Variants in STK40 observed in about 807,000 individuals in gnomAD.
STK40 encodes serine/threonine kinase 40.
STK40 carries 13 observed loss-of-function variants against 47.9 expected under a neutral mutation model. That is an observed-to-expected ratio of 0.27 (90% CI 0.18 to 0.43). The LOEUF (loss-of-function observed/expected upper bound fraction) is 0.43. STK40 is among the 20% of genes least tolerant of loss of function. The pLI is 1.00. For missense variants in STK40, 460 were observed against 595.1 expected (o/e 0.77, Z 2.36); for synonymous variants, 225 against 243.2 (o/e 0.93, Z 0.69).
At chr1:36,373,646 C>T (rs866642475) in intron 1 of STK40, among the ~76,000 whole-genome samples, 4 of 152,184 alleles carry the variant, frequency 2.6e-5, no homozygotes, top group Admixed American at 2.0e-4. Context: ...AGTAATCCCT[C>T]GATTTCAGCC....
In STK40 at chr1:36,378,095, C is replaced by G. The variant is rs79589805; in HGVS notation, c.-9+7628G>C. 7.1e-3 allele frequency among the ~76,000 whole-genome samples: 1,082 copies of G among 152,360 alleles called. 8 individuals carry two copies. Among genetic ancestry groups the G allele is most frequent in the African/African-American group, 0.024 (1,017 of 41,588 alleles). ...CCTTAACTGCATGGTTGCAAGTCTC[C>G]TTGCCCACTACCCATAGGGCAGGTC... On this transcript the variant is annotated intron_variant, in intron 1 of 10. Transcript: ENST00000373132.
chr1:36,377,847 C>T (rs1170559429), intron 1 of STK40, among the ~76,000 whole-genome samples: 1 of 152,228 alleles, frequency 6.6e-6, no homozygotes, highest in Non-Finnish European at 1.5e-5. Flanking sequence ...CTGCCAAGAG[C>T]TCACCTGGGC....
At chr1:36,366,384 G>C (rs1419179547) in intron 1 of STK40, among the ~76,000 whole-genome samples, 1 of 152,206 alleles carries the variant, frequency 6.6e-6, no homozygotes, top group Non-Finnish European at 1.5e-5. Flanking sequence ...GGAAGAGGGA[G>C]CAAGGCTGCC....
intron 7 of STK40, among the ~76,000 whole-genome samples, chr1:36,347,639 TTA>T (rs1228573298): frequency 6.6e-6 from 1 of 151,988 alleles, no homozygotes; most frequent in African/African-American, 2.4e-5. Flanking sequence ...GGCAGTAACT[TTA>T]TGAGTTTTTT....
chr1:36,350,245 T>A (rs11804663), intron 6 of STK40, among the ~76,000 whole-genome samples: 15,071 of 152,250 alleles, frequency 0.099, 887 homozygotes, highest in Middle Eastern at 0.26. Flanking sequence ...AAGGGTCACT[T>A]GCACGTCAAG....
chr1:36,382,459 G>A (rs777802265), intron 1 of STK40, among the ~76,000 whole-genome samples: 4 of 152,148 alleles, frequency 2.6e-5, no homozygotes, highest in Admixed American at 6.5e-5. Context: ...GATTACAGGC[G>A]TTAGCCACCG....
intron 1 of STK40, among the ~76,000 whole-genome samples, chr1:36,379,714 G>A (rs1647024226): frequency 6.6e-6 from 1 of 152,062 alleles, no homozygotes; most frequent in South Asian, 2.1e-4. Context: ...GGGAACACCT[G>A]TGTTCCCCTC....
At chr1:36,374,852 C>G (rs571480959) in intron 1 of STK40, among the ~76,000 whole-genome samples, 1 of 152,304 alleles carries the variant, frequency 6.6e-6, no homozygotes, top group East Asian at 1.9e-4. Flanking sequence ...GAGGAGATTG[C>G]AACAAGGGAG....
chr1:36,361,793 C>T (rs569979140), intron 1 of STK40, among the ~76,000 whole-genome samples: 64 of 152,046 alleles, frequency 4.2e-4, no homozygotes, highest in Admixed American at 7.2e-4. Context: ...CCTAATGACC[C>T]GAGGTGCCCA....
intron 6 of STK40, among the ~76,000 whole-genome samples, chr1:36,349,664 C>T (rs568180731): frequency 6.6e-4 from 99 of 150,398 alleles, no homozygotes; most frequent in African/African-American, 2.3e-3. Flanking sequence ...CTCTGAAAGG[C>T]GTGGGGCAGG....
At chr1:36,352,247 G>A (rs558559422) in intron 6 of STK40, among the ~76,000 whole-genome samples, 2 of 152,296 alleles carry the variant, frequency 1.3e-5, no homozygotes, top group East Asian at 3.9e-4. Flanking sequence ...CATGGGTCCT[G>A]TTCTCCTGTC....
chr1:36,345,773 A>G (rs1233260209), intron 7 of STK40, among the ~76,000 whole-genome samples: 1 of 151,640 alleles, frequency 6.6e-6, no homozygotes, highest in Non-Finnish European at 1.5e-5. Context: ...ATCTGCTTCC[A>G]GGACCTGTGT....
At chr1:36,360,601 T>C (rs546732973) in intron 2 of STK40, among the ~76,000 whole-genome samples, 1 of 152,144 alleles carries the variant, frequency 6.6e-6, no homozygotes, top group Admixed American at 6.6e-5. Flanking sequence ...AGTGGCGTGA[T>C]CACGACTCAC....
intron 6 of STK40, among the ~76,000 whole-genome samples, chr1:36,349,764 G>A (rs139655314): frequency 6.6e-6 from 1 of 152,044 alleles, no homozygotes; most frequent in Non-Finnish European, 1.5e-5. Flanking sequence ...CACCACACTG[G>A]GGGCTGGGAG....
chr1:36,376,648 T>C (rs142280908), intron 1 of STK40, among the ~76,000 whole-genome samples: 157 of 152,344 alleles, frequency 1.0e-3, no homozygotes, highest in Non-Finnish European at 1.9e-3. Flanking sequence ...CAATGGATAC[T>C]ATGCAGCCTT....
chr1:36,347,309 G>T (rs1272408937), intron 7 of STK40, among the ~76,000 whole-genome samples: 1 of 152,220 alleles, frequency 6.6e-6, no homozygotes, highest in Non-Finnish European at 1.5e-5. Flanking sequence ...GGAGGGATGG[G>T]AGCTGGTGTA....
At chr1:36,371,285 T>G (rs1646944017) in intron 1 of STK40, among the ~76,000 whole-genome samples, 1 of 149,244 alleles carries the variant, frequency 6.7e-6, no homozygotes, top group Non-Finnish European at 1.5e-5. Context: ...CCGGGCGTGG[T>G]GGCTCACGCC....
rs190576874 is a variant in STK40 at position 36,353,412 on chromosome 1, C to A, written c.623+952G>T. The stretch of plus-strand genomic sequence containing the variant: ...ACTGTCCCAGATCACTCCAAAGAGG[C>A]CCAGGACCCTCTGTCGAGGCGGGAT... On this transcript the variant is annotated intron_variant, in intron 6 of 10. Transcript: ENST00000373132. Among the ~76,000 whole-genome samples the A allele has an allele frequency of 1.2e-3, 178 of 152,316 alleles. 1 individual carries two copies. The highest frequency in any genetic ancestry group is 4.2e-3 in the African/African-American group (173 of 41,576).
intron 7 of STK40, among the ~76,000 whole-genome samples, chr1:36,345,989 A>AT (rs1330462605): frequency 2.0e-4 from 4 of 19,582 alleles, no homozygotes; most frequent in African/African-American, 6.6e-4. Context: ...ATATATATAT[A>AT]TATTTTTTTT....
Sources: allele counts gnomAD v4.1 joint callset (sites outside exome capture counted in the v4.1 genomes callset), GRCh38; gene constraint gnomAD v4.1.1; transcripts MANE v1.5; gene names NCBI Gene and HGNC (gene_info 2026-07-23, HGNC 2026-07-21).